The following HS2ST1 variants were observed in gnomAD, a reference collection of about 807,000 sequenced individuals.
The protein encoded by HS2ST1 is heparan sulfate 2-O-sulfotransferase 1, also known as 2-O-sulfotransferase.
A neutral mutation model predicts 42.9 loss-of-function variants in HS2ST1; 18 were observed. That is an observed-to-expected ratio of 0.42 (90% confidence interval 0.29 to 0.62). HS2ST1 has a LOEUF of 0.62. Ranked by LOEUF, HS2ST1 falls within the 20% of genes least tolerant of loss-of-function variation. The pLI is 0.21. For synonymous variants in HS2ST1, 146 were observed against 152.9 expected, an observed-to-expected ratio of 0.95 and a Z score of 0.33; for missense variants, 334 against 433.8, an observed-to-expected ratio of 0.77 and a Z score of 2.04.
At chr1:87,056,565 T>C (rs1323193610) in intron 1 of HS2ST1, among the ~76,000 whole-genome samples, 1 of 152,216 alleles carries the variant, frequency 6.6e-6, no homozygotes, top group Non-Finnish European at 1.5e-5. Context: ...AACTTGTCGC[T>C]GTAAGGAAAA....
In HS2ST1 at chr1:86,914,688, A is replaced by G. The variant is rs1416018788; in HGVS notation, c.-349A>G. 4.0e-6 allele frequency: 1 copy of G among 248,168 alleles called. No homozygotes were observed. The highest frequency in any genetic ancestry group is 1.2e-4 in the East Asian group (1 of 8,324). The allele number at this position is 248,168 out of a possible 1,614,324, so 15.4% of individuals were successfully genotyped here. Reference sequence around the variant, plus strand: ...CGGCCGCGAGCAAAGGAGGGAGGGAAGGAAGGAAGAGAGGGAGGCGGGCAA... The same window carrying G: ...CGGCCGCGAGCAAAGGAGGGAGGGAGGGAAGGAAGAGAGGGAGGCGGGCAA... On this transcript the variant is annotated 5_prime_UTR_variant, in exon 1 of 7. Transcript: ENST00000370550.
intron 1 of HS2ST1, among the ~76,000 whole-genome samples, chr1:87,032,885 C>G (rs1356823673): frequency 6.6e-6 from 1 of 152,154 alleles, no homozygotes; most frequent in Non-Finnish European, 1.5e-5. Context: ...TCTGGGTAAA[C>G]AGCTGACTCA....
chr1:87,062,872 T>C (rs924929286), intron 1 of HS2ST1, among the ~76,000 whole-genome samples: 1 of 152,208 alleles, frequency 6.6e-6, no homozygotes, highest in Non-Finnish European at 1.5e-5. Context: ...TGGTTCGTGA[T>C]AAGAAATCTG....
At chr1:86,999,144 A>T (rs1256912512) in intron 1 of HS2ST1, among the ~76,000 whole-genome samples, 1 of 152,084 alleles carries the variant, frequency 6.6e-6, no homozygotes, top group East Asian at 1.9e-4. Flanking sequence ...AGGCTGATAT[A>T]ATCTGTTCTT....
At chr1:87,053,765 A>G (rs985186086) in intron 1 of HS2ST1, among the ~76,000 whole-genome samples, 1 of 152,182 alleles carries the variant, frequency 6.6e-6, no homozygotes, top group Non-Finnish European at 1.5e-5. Context: ...AATGTTTAAT[A>G]GATTAGTACA....
intron 3 of HS2ST1, among the ~76,000 whole-genome samples, chr1:87,087,078 G>C (rs1651834163): frequency 6.6e-6 from 1 of 151,924 alleles, no homozygotes; most frequent in African/African-American, 2.4e-5. Flanking sequence ...ACCAGTTCAT[G>C]AAGTTTTATT....
intron 1 of HS2ST1, among the ~76,000 whole-genome samples, chr1:86,950,137 A>G (rs1479984021): frequency 6.6e-6 from 1 of 152,234 alleles, no homozygotes; most frequent in Non-Finnish European, 1.5e-5. Context: ...CTAACTTAAC[A>G]TCAACATTAT....
chr1:87,077,726 T>C (rs1184176945), intron 2 of HS2ST1, among the ~76,000 whole-genome samples: 1 of 152,232 alleles, frequency 6.6e-6, no homozygotes, highest in Non-Finnish European at 1.5e-5. Context: ...GTAGAAACTA[T>C]ACATTTTTTG....
At chr1:87,076,747 A>G (rs1651553707) in intron 2 of HS2ST1, among the ~76,000 whole-genome samples, 1 of 148,236 alleles carries the variant, frequency 6.7e-6, no homozygotes, top group Admixed American at 6.7e-5. Context: ...GCCATACCAT[A>G]TATGTGATTA....
At chr1:87,038,270 G>A (rs796065512) in intron 1 of HS2ST1, among the ~76,000 whole-genome samples, 4 of 152,110 alleles carry the variant, frequency 2.6e-5, no homozygotes, top group African/African-American at 9.6e-5. Flanking sequence ...GCACAGATGG[G>A]CAAAGTCTAT....
rs78865216 is a variant in HS2ST1 at position 87,031,388 on chromosome 1, C to T, written c.125-41546C>T. ...TTTCTAAAGTTTTCTGGATGATTCTCATGTTGGGAGTCATCGTTGAGAACC... is the reference window on the plus strand; with the variant it reads ...TTTCTAAAGTTTTCTGGATGATTCTTATGTTGGGAGTCATCGTTGAGAACC... On this transcript the variant is annotated intron_variant, in intron 1 of 6. Coordinates refer to ENST00000370550, the MANE Select transcript of HS2ST1 (RefSeq NM_012262.4). Among the ~76,000 whole-genome samples the T allele has an allele frequency of 5.1e-4, 77 of 152,296 alleles. 1 individual carries two copies. The highest frequency in any genetic ancestry group is 1.7e-3 in the African/African-American group (72 of 41,572).
At position 87,105,892 on chromosome 1, in the gene HS2ST1, T is replaced by A. The variant is rs1652315066; in HGVS notation, c.*1196T>A. 6.6e-6 allele frequency: 1 copy of A among 152,152 alleles called. No homozygotes were observed. The highest frequency in any genetic ancestry group is 2.4e-5 in the African/African-American group (1 of 41,326). The allele number at this position is 152,152 out of a possible 1,614,324, so 9.4% of individuals were successfully genotyped here. A position where few individuals can be genotyped will look rare whatever the true frequency, so the allele number is the denominator to read the frequency against. On this transcript the variant is annotated 3_prime_UTR_variant, in exon 7 of 7. Transcript: ENST00000370550. ...AGTGGAATGAGTACTGGACAAGGAG[T>A]CAAAAAACTTGATTTCAGGTCCTAG... is the stretch of plus-strand genomic sequence containing the variant.
intron 1 of HS2ST1, among the ~76,000 whole-genome samples, chr1:87,011,008 A>G (rs965861473): frequency 2.6e-5 from 4 of 152,054 alleles, no homozygotes; most frequent in African/African-American, 4.8e-5. Context: ...CTGGTCTTGA[A>G]CTACTGGCCT....
At chr1:87,047,909 A>G (rs1438038575) in intron 1 of HS2ST1, among the ~76,000 whole-genome samples, 2 of 152,002 alleles carry the variant, frequency 1.3e-5, no homozygotes, top group African/African-American at 4.8e-5. Flanking sequence ...TTATTTTTCA[A>G]TTTGTTTTGC....
chr1:87,034,928 A>G (rs553565055), intron 1 of HS2ST1, among the ~76,000 whole-genome samples: 32 of 152,306 alleles, frequency 2.1e-4, no homozygotes, highest in African/African-American at 6.7e-4. Context: ...TTATGTAGGT[A>G]GTCTCAATGT....
At chr1:86,978,554 CTG>C (rs1648490118) in intron 1 of HS2ST1, among the ~76,000 whole-genome samples, 1 of 152,118 alleles carries the variant, frequency 6.6e-6, no homozygotes, top group Non-Finnish European at 1.5e-5. Flanking sequence ...ATTAGACTCT[CTG>C]TATTTGAATA....
rs553225460 is a variant in HS2ST1 at position 86,989,371 on chromosome 1, C to T, written c.124+74211C>T. On this transcript the variant is annotated intron_variant, in intron 1 of 6. Transcript: ENST00000370550. ...TTCTATTAGCAAACACTTTATCCAC[C>T]TTTATTTTCACATTCAGGACAGTAT... Among the ~76,000 whole-genome samples, 40 of 152,348 alleles carry T rather than the reference C, an allele frequency of 2.6e-4. No individual in the cohort carries two copies. In the South Asian group the frequency reaches 7.3e-3, roughly 28 times the overall value.
At chr1:87,085,274 A>G (rs1395245126) in intron 3 of HS2ST1, among the ~76,000 whole-genome samples, 3 of 152,140 alleles carry the variant, frequency 2.0e-5, no homozygotes, top group Non-Finnish European at 4.4e-5. Context: ...AGAGTAACAC[A>G]CCTTGATATA....
chr1:87,073,214 T>G (rs1044566643), intron 2 of HS2ST1, 42 bp downstream of exon 2: 3 of 1,339,558 alleles, frequency 2.2e-6, no homozygotes, highest in Non-Finnish European at 3.2e-6. Context: ...TTCTAATACT[T>G]CCTCACTCAA....
Sources: gnomAD v4.1 joint callset for allele counts (sites outside exome capture counted in the v4.1 genomes callset) on GRCh38, gnomAD v4.1.1 for gene constraint, MANE v1.5 for transcripts, NCBI Gene and HGNC (gene_info 2026-07-23, HGNC 2026-07-21) for gene names.